The following PTPRD variants were observed in gnomAD, a reference collection of about 807,000 sequenced individuals.
The protein encoded by PTPRD is receptor-type tyrosine-protein phosphatase delta.
In PTPRD, 34 loss-of-function variants were observed where a neutral mutation model predicts 214.5. That is an observed-to-expected ratio of 0.16 (90% CI 0.12 to 0.21). The LOEUF is 0.21. Among genes scored for constraint, PTPRD ranks in the 10% least tolerant of loss-of-function variants. The probability of loss-of-function intolerance (pLI) is 1.00; values close to 1 mark genes in which losing one functional copy is unlikely to be tolerated. For missense variants in PTPRD, 2,545 were observed against 2,398.7 expected, an observed-to-expected ratio of 1.06 and a Z score of -1.27; for synonymous variants, 1,128 against 845.7, an observed-to-expected ratio of 1.33 and a Z score of -5.79.
rs117542642 is a variant in PTPRD, at chr9:8,553,504, G to A, written c.353-24725C>T. 2.5e-3 allele frequency among the ~76,000 whole-genome samples: 384 copies of A among 152,160 alleles called. 11 individuals carry two copies. In the East Asian group the frequency reaches 0.043, roughly 17 times the overall value. ...TAAATCAATCCTTTATTTATCAGTC[G>A]TTTACTGGACACTTACCCTATGCAA... On this transcript the variant is annotated intron_variant, in intron 14 of 45. Transcript: ENST00000381196.
At chr9:10,367,791 T>C (rs1419435372) in intron 2 of PTPRD, among the ~76,000 whole-genome samples, 1 of 152,064 alleles carries the variant, frequency 6.6e-6, no homozygotes, top group Non-Finnish European at 1.5e-5. Flanking sequence ...ATACAGACAG[T>C]ATCTACTCTA....
At chr9:10,323,695 G>C (rs887416334) in intron 3 of PTPRD, among the ~76,000 whole-genome samples, 24 of 152,002 alleles carry the variant, frequency 1.6e-4, no homozygotes, top group African/African-American at 5.1e-4. Flanking sequence ...TTAATATGCA[G>C]TTGCTATTTA....
At chr9:10,401,014 TA>T (rs1390624152) in intron 2 of PTPRD, among the ~76,000 whole-genome samples, 1 of 151,626 alleles carries the variant, frequency 6.6e-6, no homozygotes, top group East Asian at 2.0e-4. Context: ...CAAGACCCAA[TA>T]AAAACTTTTA....
chr9:9,514,673 T>A (rs1303383970), intron 8 of PTPRD, among the ~76,000 whole-genome samples: 3 of 152,094 alleles, frequency 2.0e-5, no homozygotes, highest in Non-Finnish European at 4.4e-5. Flanking sequence ...ATTTCCATTT[T>A]TCAACTGACA....
At chr9:9,464,804 T>A (rs1335882921) in intron 8 of PTPRD, among the ~76,000 whole-genome samples, 1 of 152,178 alleles carries the variant, frequency 6.6e-6, no homozygotes, top group Admixed American at 6.6e-5. Flanking sequence ...CTCCAGTGTT[T>A]TGTGTCCTTT....
chr9:8,488,575 C>T (rs778237694), intron 27 of PTPRD, among the ~76,000 whole-genome samples: 5 of 152,270 alleles, frequency 3.3e-5, no homozygotes, highest in East Asian at 1.9e-4. Flanking sequence ...GAGATCTTAA[C>T]GACCAACACA....
intron 29 of PTPRD, among the ~76,000 whole-genome samples, chr9:8,484,866 G>C (rs1048251106): frequency 2.0e-5 from 3 of 152,038 alleles, no homozygotes; most frequent in East Asian, 1.9e-4. Flanking sequence ...CAAGAATACA[G>C]GCCAACAAAC....
At chr9:8,724,557 A>T (rs1458375391) in intron 12 of PTPRD, among the ~76,000 whole-genome samples, 3 of 152,182 alleles carry the variant, frequency 2.0e-5, no homozygotes, top group Non-Finnish European at 2.9e-5. Context: ...CAGCTTAAAA[A>T]TAAGTCAGTG....
intron 2 of PTPRD, among the ~76,000 whole-genome samples, chr9:10,490,725 G>A (rs1187886765): frequency 6.6e-6 from 1 of 152,062 alleles, no homozygotes; most frequent in Non-Finnish European, 1.5e-5. Flanking sequence ...CCATGCATAA[G>A]GCTTTACCTA....
chr9:8,763,083 C>G (rs985131168), intron 11 of PTPRD, among the ~76,000 whole-genome samples: 8 of 152,142 alleles, frequency 5.3e-5, no homozygotes, highest in African/African-American at 1.9e-4. Flanking sequence ...GGAGTAGCCA[C>G]TGAAAAATCA....
chr9:9,364,973 C>G (rs148137188), intron 9 of PTPRD, among the ~76,000 whole-genome samples: 1 of 151,422 alleles, frequency 6.6e-6, no homozygotes, highest in African/African-American at 2.4e-5. Context: ...GTTCTAGGTA[C>G]ATTGAGATTG....
At position 9,706,150 on chromosome 9, in the gene PTPRD, C is replaced by A. The variant is rs376034107; in HGVS notation, c.-287+28383G>T. On this transcript the variant is annotated intron_variant, in intron 7 of 45. Coordinates refer to ENST00000381196, the MANE Select transcript of PTPRD (RefSeq NM_002839.4). ...ATAGTACTTCTCTTAAAACTAATTA[C>A]CACAGTTTGTTTTGAATTACTCCCT... 5.3e-5 allele frequency among the ~76,000 whole-genome samples: 8 copies of A among 152,204 alleles called. No individual in the cohort carries two copies. The East Asian group carries it at 7.7e-4, about 15-fold the overall frequency.
intron 14 of PTPRD, among the ~76,000 whole-genome samples, chr9:8,604,342 G>A (rs1204400754): frequency 3.3e-5 from 5 of 152,200 alleles, no homozygotes; most frequent in African/African-American, 1.2e-4. Flanking sequence ...CAGAGGAATA[G>A]ATTTCCCAGT....
At chr9:8,431,231 G>A (rs552589286) in intron 35 of PTPRD, among the ~76,000 whole-genome samples, 3 of 152,136 alleles carry the variant, frequency 2.0e-5, no homozygotes, top group Admixed American at 6.5e-5. Flanking sequence ...TCTCTTTATG[G>A]GGCCTGTACG....
At chr9:8,555,392 G>GA (rs769247236) in intron 14 of PTPRD, among the ~76,000 whole-genome samples, 2 of 152,178 alleles carry the variant, frequency 1.3e-5, no homozygotes, top group African/African-American at 4.8e-5. Context: ...GGGCAACAGA[G>GA]AAAAAACCAA....
intron 5 of PTPRD, among the ~76,000 whole-genome samples, chr9:9,918,487 C>T (rs1213602987): frequency 6.6e-6 from 1 of 151,690 alleles, no homozygotes; most frequent in Non-Finnish European, 1.5e-5. Flanking sequence ...CTATCCAAAG[C>T]AATCTGATTC....
At chr9:8,748,534 A>G (rs539193936) in intron 11 of PTPRD, among the ~76,000 whole-genome samples, 8,504 of 136,430 alleles carry the variant, frequency 0.062, 699 homozygotes, top group African/African-American at 0.22. Context: ...AAAAAAAAAA[A>G]AAAAAAGAAA....
intron 4 of PTPRD, among the ~76,000 whole-genome samples, chr9:10,026,848 T>G (rs2096932169): frequency 6.6e-6 from 1 of 151,302 alleles, no homozygotes. Context: ...GTAAGACACT[T>G]GGTTTAGTGA....
At chr9:10,289,516 A>C (rs767307725) in intron 3 of PTPRD, among the ~76,000 whole-genome samples, 3 of 152,162 alleles carry the variant, frequency 2.0e-5, no homozygotes, top group Non-Finnish European at 4.4e-5. Context: ...TTTGTCTTGA[A>C]ATCTGAAAGA....
Sources: allele counts gnomAD v4.1 joint callset (sites outside exome capture counted in the v4.1 genomes callset), GRCh38; gene constraint gnomAD v4.1.1; transcripts MANE v1.5; gene names NCBI Gene and HGNC (gene_info 2026-07-23, HGNC 2026-07-21).